RIPK2: variants seen among roughly 807,000 people sequenced by gnomAD.
RIPK2 encodes the protein receptor interacting serine/threonine kinase 2, also known as receptor-interacting serine/threonine-protein kinase 2.
Under a neutral mutation model 60.9 loss-of-function variants are expected in RIPK2, and 38 were observed. The ratio of observed to expected loss-of-function variants is 0.62; its 90% CI spans 0.48 to 0.82. RIPK2 has a LOEUF of 0.82. Among genes scored for constraint, RIPK2 ranks in the 40% least tolerant of loss-of-function variants. RIPK2 has a pLI of 0.00. For missense variants in RIPK2, 518 were observed against 647.0 expected (o/e 0.80, Z 2.16); for synonymous variants, 225 against 223.4 (o/e 1.01, Z -0.06).
chr8:89,789,248 A>G, intron 9 of RIPK2, 73 bp from the exon 10 acceptor site: 1 of 1,303,674 alleles, frequency 7.7e-7, no homozygotes, highest in Non-Finnish European at 1.1e-6. Flanking sequence ...CTGTCTGCTC[A>G]GATGTTGACA....
chr8:89,790,342 C>T lies in RIPK2; in HGVS notation c.1549C>T (p.Leu517Phe). Residue 517 changes from leucine (L) to phenylalanine (F), a missense_variant, in exon 11 of 11, where the codon CTT (leucine) becomes TTT (phenylalanine). Physicochemically the swap from Leu to Phe is conservative, Grantham distance 22 (BLOSUM62 0). Around this residue, in one of 3 missense-constraint regions of RIPK2, gnomAD observed 41 missense variants for 43.7 expected, o/e 0.94. Transcript: ENST00000220751. ...ATTGAAAGATAACAAACAAATGGGT[C>T]TTCAGCCTTACCCGGAAATACTTGT... ...QKLKDNKQMG[L>F]QPYPEILVVS... The T allele has an allele frequency of 6.2e-7, 1 of 1,613,940 alleles. No individual in the cohort carries two copies. Among genetic ancestry groups the T allele is most frequent in the Non-Finnish European group, 8.5e-7 (1 of 1,179,916 alleles).
At chr8:89,774,265 T>G (rs1329681582) in intron 6 of RIPK2, among the ~76,000 whole-genome samples, 1 of 152,154 alleles carries the variant, frequency 6.6e-6, no homozygotes, top group Non-Finnish European at 1.5e-5. Context: ...CCAAGGGAGA[T>G]ATACAAATAG....
Position 89,775,377 on chromosome 8 carries a change from A to G in RIPK2, c.853+2549A>G, listed in dbSNP as rs1051473965. Among the ~76,000 whole-genome samples the G allele has an allele frequency of 4.6e-5, 7 of 152,224 alleles. No homozygotes were observed. The East Asian group carries it at 9.7e-4, about 21-fold the overall frequency. On this transcript the variant is annotated intron_variant, in intron 6 of 10. Coordinates refer to ENST00000220751, the MANE Select transcript of RIPK2 (RefSeq NM_003821.6). ...GAGGCAGGAGGATTGCTTGAGCCCA[A>G]AATGTTGAGGCTGCAGTGAGCCTTG...
intron 6 of RIPK2, among the ~76,000 whole-genome samples, chr8:89,778,508 C>A (rs564651619): frequency 6.6e-6 from 1 of 152,288 alleles, no homozygotes; most frequent in East Asian, 1.9e-4. Flanking sequence ...GTAATCTATT[C>A]TCTGTCTTTC....
intron 3 of RIPK2, among the ~76,000 whole-genome samples, chr8:89,768,500 C>T (rs1254293499): frequency 2.6e-5 from 4 of 151,552 alleles, no homozygotes; most frequent in Admixed American, 1.3e-4. Context: ...TTTGTTAATC[C>T]GCGCTTTTGG....
chr8:89,784,828 G>A (rs1200037902), intron 8 of RIPK2, among the ~76,000 whole-genome samples: 2 of 152,192 alleles, frequency 1.3e-5, no homozygotes, highest in African/African-American at 4.8e-5. Flanking sequence ...GAAAGTCCAG[G>A]ATTGGGCAGC....
In RIPK2 at chr8:89,757,875, A is replaced by G. The variant is rs1586112962; in HGVS notation, c.-186A>G. ...AGAAAAGAAGTCAGCTCTGGTTCGG[A>G]GAAGCAGCGGCTGGCGTGGGCCATC... On this transcript the variant is annotated 5_prime_UTR_variant, in exon 1 of 11. Coordinates refer to ENST00000220751, the MANE Select transcript of RIPK2 (RefSeq NM_003821.6). 4 of 1,366,134 alleles carry G rather than the reference A, an allele frequency of 2.9e-6. No homozygotes were observed. In the East Asian group the frequency reaches 1.2e-4, roughly 40 times the overall value. The allele number at this position is 1,366,134 out of a possible 1,614,324, so 84.6% of individuals were successfully genotyped here. A position where few individuals can be genotyped will look rare whatever the true frequency, so the allele number is the denominator to read the frequency against.
rs1365847589 is a variant in RIPK2, at chr8:89,758,153, T to G, written c.93T>G (p.Thr31=). Residue 31 remains threonine, a synonymous_variant, in exon 1 of 11, where the codon ACT becomes ACG. Coordinates refer to ENST00000220751, the MANE Select transcript of RIPK2 (RefSeq NM_003821.6). ...ACCTGAGCCGCGGCGCCTCTGGCAC[T>G]GTGTCGTCCGCCCGCCACGCAGACT... The part of the protein sequence containing the change: ...LRYLSRGASG[T]VSSARHADWR... 1.3e-6 allele frequency: 2 copies of G among 1,597,866 alleles called. No homozygotes were observed. Among genetic ancestry groups the G allele is most frequent in the African/African-American group, 1.3e-5 (1 of 74,452 alleles).
intron 1 of RIPK2, among the ~76,000 whole-genome samples, chr8:89,760,304 T>G (rs1331385387): frequency 6.6e-6 from 1 of 152,162 alleles, no homozygotes; most frequent in Non-Finnish European, 1.5e-5. Flanking sequence ...CTGACTTCTA[T>G]CCGATGAGTG....
chr8:89,765,314 T>C (rs757416553), intron 2 of RIPK2, 27 bp from the exon 3 acceptor site: 2 of 1,546,062 alleles, frequency 1.3e-6, no homozygotes, highest in Non-Finnish European at 1.8e-6. Context: ...CTAATTTCAT[T>C]TTCTTTCTTT....
chr8:89,761,133 A>G (rs1055271484), intron 1 of RIPK2, among the ~76,000 whole-genome samples: 10 of 152,192 alleles, frequency 6.6e-5, no homozygotes, highest in African/African-American at 1.9e-4. Context: ...ATAAATGACG[A>G]AGATTCTTTT....
At chr8:89,759,701 T>C (rs1020699760) in intron 1 of RIPK2, among the ~76,000 whole-genome samples, 13 of 152,258 alleles carry the variant, frequency 8.5e-5, no homozygotes, top group Admixed American at 2.6e-4. Context: ...GACAAGTGTG[T>C]ATATGTGTCT....
chr8:89,775,049 G>A (rs937433479), intron 6 of RIPK2, among the ~76,000 whole-genome samples: 1 of 152,106 alleles, frequency 6.6e-6, no homozygotes, highest in Non-Finnish European at 1.5e-5. Flanking sequence ...ATAGAAAGAA[G>A]TGAAGGCAAA....
chr8:89,773,322 A>T (rs993008893), intron 6 of RIPK2, among the ~76,000 whole-genome samples: 2 of 152,316 alleles, frequency 1.3e-5, no homozygotes, highest in Non-Finnish European at 2.9e-5. Context: ...GAAGCTTGAA[A>T]AAGAGCCAGT....
intron 1 of RIPK2, among the ~76,000 whole-genome samples, chr8:89,761,722 A>AAT (rs1027007955): frequency 5.9e-5 from 9 of 151,608 alleles, no homozygotes; most frequent in African/African-American, 1.9e-4. Flanking sequence ...TAAAAAAAAA[A>AAT]AAAGTTTCCA....
intron 9 of RIPK2, among the ~76,000 whole-genome samples, chr8:89,788,906 C>T (rs923041567): frequency 2.0e-5 from 3 of 151,968 alleles, no homozygotes; most frequent in Non-Finnish European, 4.4e-5. Flanking sequence ...AATGTAATTG[C>T]GTGGATTTGG....
chr8:89,777,128 T>C (rs557085401), intron 6 of RIPK2, among the ~76,000 whole-genome samples: 9 of 152,240 alleles, frequency 5.9e-5, no homozygotes, highest in African/African-American at 2.2e-4. Flanking sequence ...GTACACAGAG[T>C]GAGAACCCCA....
chr8:89,765,802 G>A lies in RIPK2; in HGVS notation c.483+306G>A, dbSNP rs186416138. Among the ~76,000 whole-genome samples the A allele has an allele frequency of 7.4e-3, 1,120 of 151,174 alleles. 13 individuals carry two copies. The highest frequency in any genetic ancestry group is 0.026 in the African/African-American group (1,061 of 41,268). The stretch of plus-strand genomic sequence containing the variant: ...TAAAATTATTATATATTTATAGGAA[G>A]TTGCAAAGGTAATAAAGAGGTTTCA... On this transcript the variant is annotated intron_variant, in intron 3 of 10. Transcript: ENST00000220751.
At position 89,778,989 on chromosome 8, in the gene RIPK2, A is replaced by G. The variant is rs545836188; in HGVS notation, c.854-1086A>G. Among the ~76,000 whole-genome samples the G allele has an allele frequency of 2.0e-5, 3 of 152,222 alleles. No homozygotes were observed. In the East Asian group the frequency reaches 5.8e-4, roughly 29 times the overall value. On this transcript the variant is annotated intron_variant, in intron 6 of 10. Coordinates refer to ENST00000220751, the MANE Select transcript of RIPK2 (RefSeq NM_003821.6). ...CACTTCTTATTTTCCTTTTAATTATATTTTAGTGAGTATGGAGTGATATCT... is the reference window on the plus strand; with the variant it reads ...CACTTCTTATTTTCCTTTTAATTATGTTTTAGTGAGTATGGAGTGATATCT...
Sources: allele counts gnomAD v4.1 joint callset (sites outside exome capture counted in the v4.1 genomes callset), GRCh38; gene constraint gnomAD v4.1.1; regional missense constraint gnomAD v4.1.1; transcripts MANE v1.5; gene names NCBI Gene and HGNC (gene_info 2026-07-23, HGNC 2026-07-21).